Variants in PTPRT observed in about 807,000 individuals in gnomAD.
PTPRT encodes receptor-type tyrosine-protein phosphatase T.
Under a neutral mutation model 176.8 loss-of-function variants are expected in PTPRT, and 56 were observed. That is an observed-to-expected ratio of 0.32 (90% CI 0.26 to 0.40). The LOEUF is 0.40. Among genes scored for constraint, PTPRT ranks in the 10% least tolerant of loss-of-function variants. The probability of loss-of-function intolerance (pLI) is 1.00; values close to 1 mark genes in which losing one functional copy is unlikely to be tolerated. For missense variants in PTPRT, 1,540 were observed against 1,908.2 expected (o/e 0.81, Z 3.60); for synonymous variants, 783 against 739.0 (o/e 1.06, Z -0.96).
chr20:43,157,029 T>G (rs1320244496), intron 1 of PTPRT, among the ~76,000 whole-genome samples: 1 of 152,034 alleles, frequency 6.6e-6, no homozygotes, highest in East Asian at 1.9e-4. Flanking sequence ...CATGCCACTG[T>G]TTTAAGCCAT....
At chr20:42,511,904 T>C (rs1285536896) in intron 7 of PTPRT, among the ~76,000 whole-genome samples, 6 of 152,078 alleles carry the variant, frequency 3.9e-5, no homozygotes, top group Admixed American at 3.9e-4. Context: ...TTAGAACGTA[T>C]AGTGTGTACA....
In PTPRT at chr20:42,079,648, T is replaced by G. The variant is rs1983120166; in HGVS notation, c.*1231A>C. 1 of 228,018 alleles carries G rather than the reference T, an allele frequency of 4.4e-6. No homozygotes were observed. Among genetic ancestry groups the G allele is most frequent in the Non-Finnish European group, 8.7e-6 (1 of 114,748 alleles). The allele number at this position is 228,018 out of a possible 1,614,324, so 14.1% of individuals were successfully genotyped here. A position where few individuals can be genotyped will look rare whatever the true frequency, so the allele number is the denominator to read the frequency against. On this transcript the variant is annotated 3_prime_UTR_variant, in exon 31 of 31. Coordinates refer to ENST00000373187, the MANE Select transcript of PTPRT (RefSeq NM_007050.6). Reference sequence around the variant, plus strand: ...CCTAGATCTCCAGGCCTGATTCTCTTGGCCTATTTTAAATCAAAGTATAAT... The same window carrying G: ...CCTAGATCTCCAGGCCTGATTCTCTGGGCCTATTTTAAATCAAAGTATAAT...
At chr20:42,219,598 A>C (rs1402334464) in intron 15 of PTPRT, among the ~76,000 whole-genome samples, 1 of 152,238 alleles carries the variant, frequency 6.6e-6, no homozygotes, top group East Asian at 1.9e-4. Context: ...AAGAAGGAGA[A>C]TAGCTAATGC....
chr20:42,565,772 A>T (rs1021889862), intron 7 of PTPRT, among the ~76,000 whole-genome samples: 10 of 151,994 alleles, frequency 6.6e-5, no homozygotes, highest in African/African-American at 2.4e-4. Flanking sequence ...CGGGGCAGGG[A>T]GTGGGGTTTG....
intron 11 of PTPRT, among the ~76,000 whole-genome samples, chr20:42,327,252 C>T (rs990388822): frequency 6.6e-6 from 1 of 151,986 alleles, no homozygotes; most frequent in Non-Finnish European, 1.5e-5. Flanking sequence ...GACCTCGCTA[C>T]ATATGAAAAA....
chr20:42,759,758 T>G (rs2076888544), intron 5 of PTPRT, among the ~76,000 whole-genome samples: 1 of 152,200 alleles, frequency 6.6e-6, no homozygotes, highest in Non-Finnish European at 1.5e-5. Flanking sequence ...ATGCTTCTTT[T>G]CCTTCTGTGG....
intron 2 of PTPRT, among the ~76,000 whole-genome samples, chr20:42,834,459 A>C (rs1414448479): frequency 6.6e-6 from 1 of 152,180 alleles, no homozygotes; most frequent in East Asian, 1.9e-4. Flanking sequence ...ACAGATTGAC[A>C]GTTCCTTATG....
At chr20:42,055,111 A>G in the PTPRT span, among the ~76,000 whole-genome samples, 1 of 152,240 alleles carries the variant, frequency 6.6e-6, no homozygotes, top group Non-Finnish European at 1.5e-5. Context: ...TTCCCAACAC[A>G]AGGTACATTG....
intron 27 of PTPRT, among the ~76,000 whole-genome samples, chr20:42,091,899 G>A (rs1470076835): frequency 1.3e-5 from 2 of 152,138 alleles, no homozygotes; most frequent in Non-Finnish European, 2.9e-5. Flanking sequence ...ATAGTGGGTG[G>A]AAACTTACTC....
intron 9 of PTPRT, among the ~76,000 whole-genome samples, chr20:42,362,940 C>A (rs2145568659): frequency 6.6e-6 from 1 of 151,346 alleles, no homozygotes; most frequent in Non-Finnish European, 1.5e-5. Flanking sequence ...ACCCCGTCTC[C>A]AATAAAAATA....
chr20:42,521,065 T>C (rs1361695621), intron 7 of PTPRT, among the ~76,000 whole-genome samples: 2 of 152,098 alleles, frequency 1.3e-5, no homozygotes, highest in South Asian at 4.2e-4. Flanking sequence ...CCTATATACA[T>C]ACATACATAT....
chr20:42,997,368 GCTCA>G (rs2146120851), intron 1 of PTPRT, among the ~76,000 whole-genome samples: 1 of 152,224 alleles, frequency 6.6e-6, no homozygotes, highest in South Asian at 2.1e-4. Flanking sequence ...CCATTGAGAT[GCTCA>G]CTTTTAAAAC....
At chr20:42,690,799 G>A (rs1308537475) in intron 6 of PTPRT, among the ~76,000 whole-genome samples, 3 of 152,222 alleles carry the variant, frequency 2.0e-5, no homozygotes, top group African/African-American at 7.2e-5. Flanking sequence ...GTGACATTAA[G>A]CAAGTGATAT....
chr20:43,134,692 AT>A lies in PTPRT; in HGVS notation c.88+54953del, dbSNP rs1424680379. On this transcript the variant is annotated intron_variant, in intron 1 of 30. Coordinates refer to ENST00000373187, the MANE Select transcript of PTPRT (RefSeq NM_007050.6). The stretch of plus-strand genomic sequence containing the variant: ...ACTATGCTTTAACAAGTATCACTGA[AT>A]TTTTTTCTTCTTTAACAGGGCTGAT... Among the ~76,000 whole-genome samples, 8 of 152,214 alleles carry A rather than the reference AT, an allele frequency of 5.3e-5. No homozygotes were observed. In the East Asian group the frequency reaches 1.4e-3, roughly 26 times the overall value.
intron 2 of PTPRT, among the ~76,000 whole-genome samples, chr20:42,816,667 G>A (rs759035378): frequency 1.4e-4 from 21 of 152,196 alleles, no homozygotes; most frequent in East Asian, 1.4e-3. Context: ...CCCTCATGCT[G>A]CCCTGGTAAG....
intron 1 of PTPRT, among the ~76,000 whole-genome samples, chr20:42,986,044 C>T (rs970483297): frequency 2.0e-5 from 3 of 152,152 alleles, no homozygotes; most frequent in African/African-American, 4.8e-5. Context: ...CAAGTTACCG[C>T]GGATCATTTC....
At chr20:42,136,620 G>A (rs1192981826) in intron 18 of PTPRT, among the ~76,000 whole-genome samples, 1 of 152,148 alleles carries the variant, frequency 6.6e-6, no homozygotes, top group Non-Finnish European at 1.5e-5. Context: ...CTGGAGTTGA[G>A]AGGGGCAAGC....
At chr20:42,199,480 C>T in intron 15 of PTPRT, 92 bp from the exon 16 acceptor site, 1 of 1,385,276 alleles carries the variant, frequency 7.2e-7, no homozygotes, top group Non-Finnish European at 9.8e-7. Context: ...AATGCTCATC[C>T]TCAACCCCCA....
intron 7 of PTPRT, among the ~76,000 whole-genome samples, chr20:42,577,473 G>A (rs772929415): frequency 6.6e-6 from 1 of 152,212 alleles, no homozygotes; most frequent in Non-Finnish European, 1.5e-5. Context: ...ACACTGGAAG[G>A]AGTGAAACCT....
Sources: gnomAD v4.1 joint callset for allele counts (sites outside exome capture counted in the v4.1 genomes callset) on GRCh38, gnomAD v4.1.1 for gene constraint, MANE v1.5 for transcripts, NCBI Gene and HGNC (gene_info 2026-07-23, HGNC 2026-07-21) for gene names.